The following ARHGAP31 variants were observed in gnomAD, a reference collection of about 807,000 sequenced individuals.
ARHGAP31 encodes the protein Rho GTPase activating protein 31, also known as rho GTPase-activating protein 31.
In ARHGAP31, 34 loss-of-function variants were observed where a neutral mutation model predicts 113.9. That is an observed-to-expected ratio of 0.30 (90% CI 0.23 to 0.40). ARHGAP31 has a LOEUF of 0.40. Among genes scored for constraint, ARHGAP31 ranks in the 10% least tolerant of loss-of-function variants. The pLI, the probability that ARHGAP31 is intolerant of heterozygous loss-of-function variation, is 1.00. For synonymous variants in ARHGAP31, 650 were observed against 684.8 expected (o/e 0.95, Z 0.79); for missense variants, 1,548 against 1,767.1 (o/e 0.88, Z 2.22).
intron 1 of ARHGAP31, among the ~76,000 whole-genome samples, chr3:119,304,346 CAG>C (rs2079611888): frequency 6.6e-6 from 1 of 152,116 alleles, no homozygotes; most frequent in African/African-American, 2.4e-5. Flanking sequence ...AACCATCAGA[CAG>C]AGTGGGTTGT....
At chr3:119,353,877 A>G (rs2080132732) in intron 1 of ARHGAP31, among the ~76,000 whole-genome samples, 1 of 151,868 alleles carries the variant, frequency 6.6e-6, no homozygotes, top group Admixed American at 6.6e-5. Context: ...TGGCTTCTTG[A>G]AGGCAAAGAT....
At chr3:119,383,375 A>G (rs1193958158) in intron 6 of ARHGAP31, 149 bp downstream of exon 6, 2 of 1,036,152 alleles carry the variant, frequency 1.9e-6, no homozygotes, top group Non-Finnish European at 3.0e-6. Context: ...GTGTCTGAGG[A>G]TCGTGCATAT....
At chr3:119,307,937 C>T (rs374155884) in intron 1 of ARHGAP31, among the ~76,000 whole-genome samples, 47 of 1,108 alleles carry the variant, frequency 0.042, 1 homozygote, top group African/African-American at 0.26. Flanking sequence ...TATGAATTAA[C>T]AGCAAAAAAA....
At chr3:119,343,639 G>C (rs576400646) in intron 1 of ARHGAP31, among the ~76,000 whole-genome samples, 27 of 152,212 alleles carry the variant, frequency 1.8e-4, no homozygotes, top group Non-Finnish European at 3.7e-4. Context: ...TCAAGGAGCA[G>C]AGCCACCAGG....
At chr3:119,395,640 C>T (rs191855893) in intron 8 of ARHGAP31, among the ~76,000 whole-genome samples, 32 of 152,252 alleles carry the variant, frequency 2.1e-4, no homozygotes, top group Non-Finnish European at 3.5e-4. Context: ...CCCCTTGTCT[C>T]GGTATCCTTC....
Position 119,414,247 on chromosome 3 carries a change from G to A in ARHGAP31, c.2318G>A (p.Gly773Asp). ...ASPQATVEVG[G>D]PGNLSPPLPP... ...CCACAAGCAACAGTGGAAGTAGGAG[G>A]CCCAGGCAATCTGTCTCCTCCACTC... Residue 773 changes from glycine to aspartate, a missense_variant, in exon 12 of 12, where the codon GGC (glycine) becomes GAC (aspartate). Gly to Asp is a moderately conservative substitution (Grantham distance 94). Transcript: ENST00000264245. 1.2e-6 allele frequency: 2 copies of A among 1,614,162 alleles called. No homozygotes were observed. Among genetic ancestry groups the A allele is most frequent in the East Asian group, 4.5e-5 (2 of 44,874 alleles).
chr3:119,336,715 A>G (rs2079952532), intron 1 of ARHGAP31, among the ~76,000 whole-genome samples: 1 of 152,228 alleles, frequency 6.6e-6, no homozygotes, highest in Non-Finnish European at 1.5e-5. Context: ...GTTTTAGTAT[A>G]ATCATATGCT....
At chr3:119,368,616 G>A in intron 3 of ARHGAP31, 100 bp downstream of exon 3, 1 of 1,444,512 alleles carries the variant, frequency 6.9e-7, no homozygotes, top group Admixed American at 1.8e-5. Context: ...TCACCAGATG[G>A]TTGACATTAT....
intron 10 of ARHGAP31, among the ~76,000 whole-genome samples, chr3:119,405,341 T>A (rs1456795653): frequency 6.6e-6 from 1 of 152,158 alleles, no homozygotes; most frequent in Non-Finnish European, 1.5e-5. Flanking sequence ...AAGTCCAGAA[T>A]AAGGTGACTG....
chr3:119,352,545 G>A (rs2080118981), intron 1 of ARHGAP31, among the ~76,000 whole-genome samples: 1 of 152,082 alleles, frequency 6.6e-6, no homozygotes. Context: ...TGACCCTAAA[G>A]GGACTCCTTA....
In ARHGAP31 at chr3:119,382,308, A is replaced by C. The variant is rs777988390; in HGVS notation, c.448A>C (p.Ile150Leu). ...CCATTCTAGGACCTTGGAATACCTGATTCGACACCTGGCCCATATCGCCTC... is the reference window on the plus strand; with the variant it reads ...CCATTCTAGGACCTTGGAATACCTGCTTCGACACCTGGCCCATATCGCCTC... ...PSHYRTLEYL[I>L]RHLAHIASFS... Residue 150 changes from isoleucine to leucine, a missense_variant, in exon 5 of 12, where the codon ATT becomes CTT. Transcript: ENST00000264245. The C allele has an allele frequency of 1.4e-5, 22 of 1,614,062 alleles. No individual in the cohort carries two copies. The highest frequency in any genetic ancestry group is 1.6e-4 in the Middle Eastern group (1 of 6,084).
intron 1 of ARHGAP31, among the ~76,000 whole-genome samples, chr3:119,342,434 A>G (rs917096074): frequency 6.6e-6 from 1 of 152,218 alleles, no homozygotes. Context: ...TTCACATATA[A>G]CTGAAAGTCA....
intron 1 of ARHGAP31, among the ~76,000 whole-genome samples, chr3:119,309,948 T>C (rs2079664335): frequency 8.6e-6 from 1 of 116,398 alleles, no homozygotes; most frequent in Non-Finnish European, 2.0e-5. Flanking sequence ...CACTATCAAC[T>C]GTTTTTTTTT....
chr3:119,340,694 C>T (rs889539454), intron 1 of ARHGAP31, among the ~76,000 whole-genome samples: 3 of 152,138 alleles, frequency 2.0e-5, no homozygotes, highest in Admixed American at 6.6e-5. Context: ...CAGCCTAGTG[C>T]GCAGTGTGGC....
intron 2 of ARHGAP31, among the ~76,000 whole-genome samples, chr3:119,365,644 T>A (rs1480266886): frequency 6.6e-6 from 1 of 152,274 alleles, no homozygotes; most frequent in African/African-American, 2.4e-5. Context: ...AAGGCTTTCA[T>A]TCTGTTTCTT....
intron 1 of ARHGAP31, among the ~76,000 whole-genome samples, chr3:119,338,969 C>G (rs1375184906): frequency 6.6e-6 from 1 of 152,182 alleles, no homozygotes; most frequent in Non-Finnish European, 1.5e-5. Context: ...GAAGGAATTC[C>G]TGGCTAAGTT....
chr3:119,404,336 CA>C (rs1345185838), intron 10 of ARHGAP31, among the ~76,000 whole-genome samples: 7 of 152,268 alleles, frequency 4.6e-5, no homozygotes, highest in African/African-American at 1.7e-4. Context: ...CTGGGAAAGA[CA>C]CTAATGGAGA....
chr3:119,393,469 G>A lies in ARHGAP31; in HGVS notation c.884G>A (p.Arg295Gln), dbSNP rs768299424. 1.3e-5 allele frequency: 21 copies of A among 1,613,938 alleles called. No homozygotes were observed. Among genetic ancestry groups the A allele is most frequent in the Admixed American group, 3.3e-5 (2 of 60,002 alleles). Reference protein sequence around the residue: ...HTVLELPDNKRKLSSKSKKWK... With the variant: ...HTVLELPDNKQKLSSKSKKWK... Reference sequence around the variant, plus strand: ...CCCTTATGCCTTGGTTCTTTTAGGCGAAAGCTCTCCAGTAAATCAAAGAAG... The same window carrying A: ...CCCTTATGCCTTGGTTCTTTTAGGCAAAAGCTCTCCAGTAAATCAAAGAAG... Residue 295 changes from arginine to glutamine, a missense_variant and splice_region_variant, in exon 8 of 12, where the codon CGA (arginine) becomes CAA (glutamine). Physicochemically the swap from Arg to Gln is conservative, Grantham distance 43. Coordinates refer to ENST00000264245, the MANE Select transcript of ARHGAP31 (RefSeq NM_020754.4).
intron 4 of ARHGAP31, among the ~76,000 whole-genome samples, chr3:119,381,878 G>T (rs1050668371): frequency 1.3e-5 from 2 of 152,040 alleles, no homozygotes; most frequent in Non-Finnish European, 2.9e-5. Context: ...TCCAGCTAGT[G>T]GGGAGGATGA....
Sources: gnomAD v4.1 joint callset for allele counts (sites outside exome capture counted in the v4.1 genomes callset) on GRCh38, gnomAD v4.1.1 for gene constraint, MANE v1.5 for transcripts, NCBI Gene and HGNC (gene_info 2026-07-23, HGNC 2026-07-21) for gene names.